The following KIF16B variants were observed in gnomAD, a reference collection of about 807,000 sequenced individuals.
KIF16B encodes kinesin-like protein KIF16B.
Under a neutral mutation model 156.3 loss-of-function variants are expected in KIF16B, and 98 were observed. The observed-to-expected ratio is 0.63, with a 90% CI of 0.53 to 0.74. The LOEUF is 0.74. KIF16B is among the 30% of genes least tolerant of loss of function. The probability of loss-of-function intolerance (pLI) is 0.00; values close to 1 mark genes in which losing one functional copy is unlikely to be tolerated. For missense variants in KIF16B, 1,421 were observed against 1,606.5 expected, an observed-to-expected ratio of 0.88 and a Z score of 1.97; for synonymous variants, 564 against 583.7, an observed-to-expected ratio of 0.97 and a Z score of 0.49.
chr20:16,492,244 T>G (rs2068317807), intron 12 of KIF16B, among the ~76,000 whole-genome samples: 1 of 152,198 alleles, frequency 6.6e-6, no homozygotes, highest in South Asian at 2.1e-4. Context: ...TAACAATCAA[T>G]TTCTAAAGAA....
At chr20:16,356,771 A>C (rs1363043927) in intron 22 of KIF16B, among the ~76,000 whole-genome samples, 1 of 152,220 alleles carries the variant, frequency 6.6e-6, no homozygotes, top group African/African-American at 2.4e-5. Context: ...TGACTTCTTA[A>C]AAAAAATCAG....
chr20:16,411,971 T>TGTGA (rs1191802935), intron 15 of KIF16B, among the ~76,000 whole-genome samples: 2 of 149,596 alleles, frequency 1.3e-5, no homozygotes. Flanking sequence ...TGTGTGTGTG[T>TGTGA]GACTCATTGC....
chr20:16,367,231 T>C (rs1016297454), intron 22 of KIF16B: 3 of 1,612,776 alleles, frequency 1.9e-6, no homozygotes, highest in East Asian at 4.5e-5. Flanking sequence ...TGCGACATTC[T>C]GACTGCCTTG....
In KIF16B at chr20:16,274,509, G is replaced by A. The variant is rs1020854738; in HGVS notation, c.3796-1098C>T. ...CTCATCTGTAACAGAAAATGGGCTGGAGGGAAGGGGTTAGACCCAAACCTT... is the reference window on the plus strand; with the variant it reads ...CTCATCTGTAACAGAAAATGGGCTGAAGGGAAGGGGTTAGACCCAAACCTT... On this transcript the variant is annotated intron_variant, in intron 25 of 25. Coordinates refer to ENST00000354981, the MANE Select transcript of KIF16B (RefSeq NM_024704.5). Among the ~76,000 whole-genome samples, 4 of 152,206 alleles carry A rather than the reference G, an allele frequency of 2.6e-5. No individual in the cohort carries two copies. The East Asian group carries it at 7.7e-4, about 29-fold the overall frequency.
At chr20:16,531,929 G>A (rs1314058966) in intron 1 of KIF16B, among the ~76,000 whole-genome samples, 1 of 152,038 alleles carries the variant, frequency 6.6e-6, no homozygotes, top group Non-Finnish European at 1.5e-5. Context: ...ATAGCCGGGT[G>A]TGGTGGCGGG....
intron 17 of KIF16B, among the ~76,000 whole-genome samples, chr20:16,383,756 T>C (rs1444187770): frequency 6.6e-6 from 1 of 152,216 alleles, no homozygotes; most frequent in Non-Finnish European, 1.5e-5. Flanking sequence ...AATCTGAGAA[T>C]TTCCCTAATG....
chr20:16,433,683 C>G (rs996768131), intron 12 of KIF16B, among the ~76,000 whole-genome samples: 61 of 151,968 alleles, frequency 4.0e-4, no homozygotes, highest in African/African-American at 1.4e-3. Flanking sequence ...AGAAAGTTTT[C>G]CAGGATTGCA....
intron 17 of KIF16B, among the ~76,000 whole-genome samples, chr20:16,396,333 T>C (rs1159781248): frequency 6.6e-6 from 1 of 152,102 alleles, no homozygotes; most frequent in African/African-American, 2.4e-5. Context: ...TCCACGAAAC[T>C]TGGTCCATGG....
rs778503400 is a variant in KIF16B at position 16,506,149 on chromosome 20, C to T, written c.741G>A (p.Lys247=). The change falls in exon 8 of 26, where the codon AAG becomes AAA. Residue 247 remains lysine, a synonymous_variant. Transcript: ENST00000354981. The part of the protein sequence containing the change: ...DSEMPCETVS[K]IHLVDLAGSE... ...TTCCGGCAAGATCAACCAAGTGGAT[C>T]TTACTGACGGTTTCACATGGCATTT... is the stretch of plus-strand genomic sequence containing the variant. The T allele has an allele frequency of 2.5e-6, 4 of 1,614,144 alleles. No homozygotes were observed. The East Asian group carries it at 8.9e-5, about 36-fold the overall frequency.
At chr20:16,312,287 T>C (rs1446272986) in intron 25 of KIF16B, 48 bp downstream of exon 25, 1 of 1,331,208 alleles carries the variant, frequency 7.5e-7, no homozygotes, top group Non-Finnish European at 1.1e-6. Flanking sequence ...ACCGGTCAGA[T>C]GGTACATTTT....
chr20:16,440,792 T>C (rs1384842110), intron 12 of KIF16B, among the ~76,000 whole-genome samples: 1 of 152,128 alleles, frequency 6.6e-6, no homozygotes, highest in Non-Finnish European at 1.5e-5. Context: ...TCCACTACAC[T>C]TCCCATTGCA....
intron 12 of KIF16B, among the ~76,000 whole-genome samples, chr20:16,474,342 T>G (rs1474613151): frequency 6.6e-6 from 1 of 152,210 alleles, no homozygotes; most frequent in African/African-American, 2.4e-5. Context: ...AATAACGAAT[T>G]TGTACATTGC....
intron 12 of KIF16B, among the ~76,000 whole-genome samples, chr20:16,472,574 A>G (rs2067692908): frequency 6.6e-6 from 1 of 150,464 alleles, no homozygotes; most frequent in Non-Finnish European, 1.5e-5. Context: ...AAAAAAAAAA[A>G]AAGTAAAAGG....
Position 16,333,463 on chromosome 20 carries a change from G to A in KIF16B, c.3711+2463C>T, listed in dbSNP as rs532229106. On this transcript the variant is annotated intron_variant, in intron 24 of 25. Coordinates refer to ENST00000354981, the MANE Select transcript of KIF16B (RefSeq NM_024704.5). ...GGAATGCAGCTGTCTTGTTCACAAT[G>A]TGTTCACCATGCAGAGTTGCTCAAT... Among the ~76,000 whole-genome samples, 85 of 152,340 alleles carry A rather than the reference G, an allele frequency of 5.6e-4. 1 individual carries two copies. Among genetic ancestry groups the A allele is most frequent in the African/African-American group, 1.8e-3 (76 of 41,576 alleles).
intron 1 of KIF16B, among the ~76,000 whole-genome samples, chr20:16,551,289 C>T (rs929033549): frequency 1.3e-5 from 2 of 152,164 alleles, no homozygotes; most frequent in South Asian, 4.1e-4. Flanking sequence ...CGCCACCATG[C>T]CCGGCTAGTT....
chr20:16,528,304 T>TA (rs1334051411), intron 2 of KIF16B, 67 bp downstream of exon 2: 10 of 1,187,106 alleles, frequency 8.4e-6, no homozygotes, highest in Non-Finnish European at 1.3e-5. Flanking sequence ...ATTTACTCAT[T>TA]AGTCATCCCC....
intron 10 of KIF16B, among the ~76,000 whole-genome samples, chr20:16,499,522 G>A (rs1290980336): frequency 6.6e-6 from 1 of 152,200 alleles, no homozygotes; most frequent in Non-Finnish European, 1.5e-5. Flanking sequence ...CATCTAACAT[G>A]TTGTCTTGCA....
At chr20:16,444,458 G>T (rs189974795) in intron 12 of KIF16B, among the ~76,000 whole-genome samples, 1 of 152,132 alleles carries the variant, frequency 6.6e-6, no homozygotes, top group Non-Finnish European at 1.5e-5. Context: ...AAGCTTTATT[G>T]GAATACATGT....
chr20:16,404,796 T>A lies in KIF16B; in HGVS notation c.1784+17A>T. On this transcript the variant is annotated intron_variant, in intron 17 of 25. Coordinates refer to ENST00000354981, the MANE Select transcript of KIF16B (RefSeq NM_024704.5). ...AAAGTGATCATCACAGGGAAGGAGA[T>A]GCTGCTGTTCACTCACCCGGGGTTA... 1 of 1,566,124 alleles carries A rather than the reference T, an allele frequency of 6.4e-7. No homozygotes were observed. The highest frequency in any genetic ancestry group is 2.2e-5 in the East Asian group (1 of 44,572).
Sources: allele counts gnomAD v4.1 joint callset (sites outside exome capture counted in the v4.1 genomes callset), GRCh38; gene constraint gnomAD v4.1.1; transcripts MANE v1.5; gene names NCBI Gene and HGNC (gene_info 2026-07-23, HGNC 2026-07-21).